LAMA5: variants seen among roughly 807,000 people sequenced by gnomAD.
The protein encoded by LAMA5 is laminin subunit alpha 5.
In LAMA5, 260 loss-of-function variants were observed where a neutral mutation model predicts 433.4. The ratio of observed to expected loss-of-function variants is 0.60; its 90% CI spans 0.54 to 0.66. The LOEUF (loss-of-function observed/expected upper bound fraction) is 0.66. Ranked by LOEUF, LAMA5 falls within the 30% of genes least tolerant of loss-of-function variation. The pLI, the probability that LAMA5 is intolerant of heterozygous loss-of-function variation, is 0.00. For missense variants in LAMA5, 5,378 were observed against 5,258.5 expected, an observed-to-expected ratio of 1.02 and a Z score of -0.70; for synonymous variants, 2,620 against 2,226.6, an observed-to-expected ratio of 1.18 and a Z score of -4.97.
chr20:62,346,174 C>T lies in LAMA5; in HGVS notation c.1324G>A (p.Asp442Asn), dbSNP rs1983332907. The change falls in exon 10 of 80, where the codon GAC becomes AAC. Residue 442 changes from aspartate (D) to asparagine (N), a missense_variant. Coordinates refer to ENST00000252999, the MANE Select transcript of LAMA5 (RefSeq NM_005560.6). ...CGGCAGTAGCATCGACCCGTCAGGT[C>T]CTCGCAGGTGCCATCCGTGAAGTCG... ...ESDFTDGTCE[D>N]LTGRCYCRPN... 3.1e-6 allele frequency: 5 copies of T among 1,612,854 alleles called. No individual in the cohort carries two copies. The highest frequency in any genetic ancestry group is 4.2e-6 in the Non-Finnish European group (5 of 1,179,912).
intron 6 of LAMA5, among the ~76,000 whole-genome samples, chr20:62,349,357 C>T (rs943887920): frequency 2.7e-4 from 41 of 149,780 alleles, no homozygotes; most frequent in African/African-American, 8.1e-4. Context: ...CTGCAGAACA[C>T]CAATGGCAAA....
Position 62,312,540 on chromosome 20 carries a change from G to A in LAMA5, c.9228-8C>T, listed in dbSNP as rs778262658. On this transcript the variant is annotated splice_region_variant and splice_polypyrimidine_tract_variant and intron_variant, in intron 67 of 79. Coordinates refer to ENST00000252999, the MANE Select transcript of LAMA5 (RefSeq NM_005560.6). ...GGGAAGAGCCGTCGCAGGCTGTGGG[G>A]AAGCGGGGATGCGGGTCAGGGCGCC... is the stretch of plus-strand genomic sequence containing the variant. The A allele has an allele frequency of 1.3e-6, 2 of 1,599,504 alleles. No individual in the cohort carries two copies. The highest frequency in any genetic ancestry group is 4.5e-5 in the East Asian group (2 of 44,854).
At chr20:62,351,489 G>A (rs769396427) in intron 6 of LAMA5, among the ~76,000 whole-genome samples, 3 of 152,196 alleles carry the variant, frequency 2.0e-5, no homozygotes, top group Non-Finnish European at 4.4e-5. Flanking sequence ...AGGGCACCCT[G>A]GGGAGGCTGC....
rs544180849 is a variant in LAMA5 at position 62,313,579 on chromosome 20, G to C, written c.8658+70C>G. Reference sequence around the variant, plus strand: ...AGGCAAGATACCAAAAGAACCCGCGGCTCTCCAGGACACAAGCGACTCGGG... The same window carrying C: ...AGGCAAGATACCAAAAGAACCCGCGCCTCTCCAGGACACAAGCGACTCGGG... On this transcript the variant is annotated intron_variant, in intron 63 of 79. Transcript: ENST00000252999. The C allele has an allele frequency of 5.7e-6, 9 of 1,584,290 alleles. No individual in the cohort carries two copies. In the Admixed American group the frequency reaches 1.2e-4, roughly 22 times the overall value.
intron 53 of LAMA5, 145 bp downstream of exon 53, chr20:62,318,309 A>C: frequency 1.6e-5 from 5 of 304,812 alleles, no homozygotes; most frequent in South Asian, 3.5e-5. Context: ...GGGGGGAAGA[A>C]GAGGAGGAGG....
chr20:62,346,909 T>G lies in LAMA5; in HGVS notation c.1072+4A>C, dbSNP rs756313586. On this transcript the variant is annotated splice_donor_region_variant and intron_variant, in intron 7 of 79. Coordinates refer to ENST00000252999, the MANE Select transcript of LAMA5 (RefSeq NM_005560.6). ...GACACACGTGTGTGGGAGGAGGCACTCACACTGGCACTCGTTGGCACTGTT... is the reference window on the plus strand; with the variant it reads ...GACACACGTGTGTGGGAGGAGGCACGCACACTGGCACTCGTTGGCACTGTT... 1 of 1,612,240 alleles carries G rather than the reference T, an allele frequency of 6.2e-7. No homozygotes were observed. The highest frequency in any genetic ancestry group is 8.5e-7 in the Non-Finnish European group (1 of 1,179,264).
At chr20:62,319,655 G>A (rs931672376) in intron 51 of LAMA5, 29 bp downstream of exon 51, 3 of 1,493,184 alleles carry the variant, frequency 2.0e-6, no homozygotes, top group African/African-American at 1.4e-5. Context: ...CTGGCTCTGA[G>A]CCCTGAGCCT....
chr20:62,323,879 T>C (rs762738952), intron 43 of LAMA5, 23 bp from the exon 44 acceptor site: 2 of 1,586,518 alleles, frequency 1.3e-6, no homozygotes, highest in Non-Finnish European at 1.7e-6. Flanking sequence ...GCAGCGTCAG[T>C]CACTAGGCCC....
At position 62,315,109 on chromosome 20, in the gene LAMA5, T is replaced by C. The variant is rs769751881; in HGVS notation, c.7966A>G (p.Asn2656Asp). The change falls in exon 59 of 80, where the codon AAT becomes GAT. Residue 2656 changes from asparagine to aspartate, a missense_variant. Physicochemically the swap from Asn to Asp is conservative, Grantham distance 23. Coordinates refer to ENST00000252999, the MANE Select transcript of LAMA5 (RefSeq NM_005560.6). ...TACTGGCCCTGCCACCGCTCCACATTCTCCTGCATGGCCTGCAGCTGGGAC... is the reference window on the plus strand; with the variant it reads ...TACTGGCCCTGCCACCGCTCCACATCCTCCTGCATGGCCTGCAGCTGGGAC... The part of the protein sequence containing the change: ...VQSQLQAMQE[N>D]VERWQGQYEG... 6.2e-6 allele frequency: 10 copies of C among 1,607,560 alleles called. No individual in the cohort carries two copies. The East Asian group carries it at 2.2e-4, about 36-fold the overall frequency.
At chr20:62,340,988 G>A (rs1196771744) in intron 11 of LAMA5, among the ~76,000 whole-genome samples, 1 of 151,916 alleles carries the variant, frequency 6.6e-6, no homozygotes, top group Non-Finnish European at 1.5e-5. Context: ...GCAGTGAGCC[G>A]AGATCGTGCA....
At chr20:62,345,163 GC>G (rs1983158010) in intron 11 of LAMA5, among the ~76,000 whole-genome samples, 1 of 151,756 alleles carries the variant, frequency 6.6e-6, no homozygotes, top group Non-Finnish European at 1.5e-5. Context: ...GATTACAGGT[GC>G]CCGCCACCAT....
intron 2 of LAMA5, among the ~76,000 whole-genome samples, chr20:62,357,639 G>T (rs989160110): frequency 6.6e-6 from 1 of 152,194 alleles, no homozygotes; most frequent in Non-Finnish European, 1.5e-5. Context: ...AAAAGCCGGG[G>T]GTTTCCACAG....
intron 34 of LAMA5, 33 bp from the exon 35 acceptor site, chr20:62,328,478 C>A (rs1161386806): frequency 6.9e-7 from 1 of 1,457,586 alleles, no homozygotes; most frequent in East Asian, 2.5e-5. Flanking sequence ...ACTGACCCCT[C>A]TTCCCAGTCC....
rs770915972 is a variant in LAMA5, at chr20:62,334,179, C to T, written c.2739+7G>A. The stretch of plus-strand genomic sequence containing the variant: ...GCTGAGCCTGGGAGGGGGAGCACAG[C>T]GCCCACCTGGACAGGTGCCATCTGC... On this transcript the variant is annotated splice_region_variant and intron_variant, in intron 22 of 79. Transcript: ENST00000252999. 5.6e-6 allele frequency: 9 copies of T among 1,610,534 alleles called. No homozygotes were observed. Among genetic ancestry groups the T allele is most frequent in the Admixed American group, 1.7e-5 (1 of 59,904 alleles).
intron 11 of LAMA5, chr20:62,342,294 C>T (rs1982720512): frequency 1.6e-5 from 6 of 373,632 alleles, no homozygotes; most frequent in Non-Finnish European, 3.1e-5. Context: ...CAGAGTGAAA[C>T]TCCATCTCAA....
intron 45 of LAMA5, 45 bp downstream of exon 45, chr20:62,323,411 C>T (rs1014068425): frequency 1.2e-5 from 18 of 1,440,496 alleles, no homozygotes; most frequent in Middle Eastern, 2.4e-4. Context: ...CCCTCCTCCC[C>T]GCGCAACCCT....
At position 62,345,850 on chromosome 20, in the gene LAMA5, C is replaced by G. The variant is rs1983272595; in HGVS notation, c.1445G>C (p.Arg482Thr). The change falls in exon 11 of 80, where the codon AGG becomes ACG. Residue 482 changes from arginine (R) to threonine (T), a missense_variant. Arg to Thr is a moderately conservative substitution (Grantham distance 71). Coordinates refer to ENST00000252999, the MANE Select transcript of LAMA5 (RefSeq NM_005560.6). Reference protein sequence around the residue: ...YPTPSSSNDTREQVLPAGQIV... With the variant: ...YPTPSSSNDTTEQVLPAGQIV... ...CTGGCCGGCTGGCAGCACCTGCTCC[C>G]TGGTGTCATTGGAGGACGAGGGCGT... The G allele has an allele frequency of 6.4e-7, 1 of 1,552,712 alleles. No individual in the cohort carries two copies. Among genetic ancestry groups the G allele is most frequent in the Admixed American group, 2.0e-5 (1 of 51,214 alleles).
At position 62,317,793 on chromosome 20, in the gene LAMA5, G is replaced by A. The variant is rs755088086; in HGVS notation, c.7240-15C>T. On this transcript the variant is annotated splice_polypyrimidine_tract_variant and intron_variant, in intron 53 of 79. Transcript: ENST00000252999. ...TGCTTCCTTTGCTGAAGGCAATGCA[G>A]GGGAGTTGGGGACAATGAGGGGTAA... 6 of 1,521,130 alleles carry A rather than the reference G, an allele frequency of 3.9e-6. No homozygotes were observed. Among genetic ancestry groups the A allele is most frequent in the East Asian group, 4.7e-5 (2 of 42,344 alleles). The allele number at this position is 1,521,130 out of a possible 1,614,324, so 94.2% of individuals were successfully genotyped here. A position where few individuals can be genotyped will look rare whatever the true frequency, so the allele number is the denominator to read the frequency against.
In LAMA5 at chr20:62,333,902, G is replaced by T; in HGVS notation, c.2877C>A (p.Asn959Lys). 1 of 1,590,232 alleles carries T rather than the reference G, an allele frequency of 6.3e-7. No homozygotes were observed. Among genetic ancestry groups the T allele is most frequent in the Non-Finnish European group, 8.6e-7 (1 of 1,165,404 alleles). ...CTGTGGCCCAGGGACCCCACTCACA[G>T]TTGGCGCAGGTGGCCGACCTGCCCT... ...REEGRSATCA[N>K]CTAQSQPVAF... Residue 959 changes from asparagine to lysine, a missense_variant and splice_region_variant, in exon 23 of 80, where the codon AAC becomes AAA. Asn to Lys is a moderately conservative substitution (Grantham distance 94). Coordinates refer to ENST00000252999, the MANE Select transcript of LAMA5 (RefSeq NM_005560.6).
Sources: allele counts gnomAD v4.1 joint callset (sites outside exome capture counted in the v4.1 genomes callset), GRCh38; gene constraint gnomAD v4.1.1; transcripts MANE v1.5; gene names NCBI Gene and HGNC (gene_info 2026-07-23, HGNC 2026-07-21).